TNPO1: variants seen among roughly 807,000 people sequenced by gnomAD.
TNPO1 encodes the protein transportin 1, also known as transportin-1.
A neutral mutation model predicts 119.5 loss-of-function variants in TNPO1; 8 were observed. That is an observed-to-expected ratio of 0.07 (90% CI 0.04 to 0.12). The LOEUF (loss-of-function observed/expected upper bound fraction) is 0.12. TNPO1 is among the 10% of genes least tolerant of loss of function. TNPO1 has a pLI of 1.00. For synonymous variants in TNPO1, 362 were observed against 363.0 expected (o/e 1.00, Z 0.03); for missense variants, 576 against 1,089.8 (o/e 0.53, Z 6.64).
chr5:72,874,061 T>C (rs1379628759), intron 7 of TNPO1, among the ~76,000 whole-genome samples: 1 of 152,072 alleles, frequency 6.6e-6, no homozygotes, highest in African/African-American at 2.4e-5. Flanking sequence ...AAAATAAAAA[T>C]TTCATAGGAC....
intron 20 of TNPO1, among the ~76,000 whole-genome samples, chr5:72,899,240 T>G (rs1749649884): frequency 6.6e-6 from 1 of 152,220 alleles, no homozygotes; most frequent in Non-Finnish European, 1.5e-5. Context: ...CAGTGGACTG[T>G]AAATTTCCTT....
At chr5:72,837,581 G>A (rs1168317588) in intron 1 of TNPO1, among the ~76,000 whole-genome samples, 2 of 152,168 alleles carry the variant, frequency 1.3e-5, no homozygotes, top group African/African-American at 4.8e-5. Context: ...TCATTTAAAT[G>A]ACAAGTTAAA....
intron 1 of TNPO1, 144 bp downstream of exon 1, chr5:72,816,896 C>G (rs1743718280): frequency 9.3e-7 from 1 of 1,070,846 alleles, no homozygotes. Flanking sequence ...AGCCGAGAGG[C>G]AGCGGCGGCG....
Position 72,908,999 on chromosome 5 carries a change from T to C in TNPO1, c.*326T>C, listed in dbSNP as rs566554882. ...TCACAAAACAGTACATTGTGGAATA[T>C]TATGGGGAATTGTACCAAAACAAGA... On this transcript the variant is annotated 3_prime_UTR_variant, in exon 25 of 25. Transcript: ENST00000337273. 1.4e-4 allele frequency: 55 copies of C among 393,366 alleles called. No homozygotes were observed. The highest frequency in any genetic ancestry group is 1.0e-3 in the African/African-American group (47 of 47,142). The allele number at this position is 393,366 out of a possible 1,614,324, so 24.4% of individuals were successfully genotyped here.
At chr5:72,867,345 TTAA>T (rs1483797488) in intron 6 of TNPO1, among the ~76,000 whole-genome samples, 5 of 151,832 alleles carry the variant, frequency 3.3e-5, no homozygotes, top group Admixed American at 6.6e-5. Flanking sequence ...TAATACCTTA[TTAA>T]TGTAGTTTAA....
chr5:72,861,708 T>C, intron 4 of TNPO1, 100 bp from the exon 5 acceptor site: 1 of 849,502 alleles, frequency 1.2e-6, no homozygotes, highest in Non-Finnish European at 1.9e-6. Flanking sequence ...TGGCCAAATG[T>C]TATTATTTAC....
At chr5:72,876,258 G>A (rs1212378448) in intron 8 of TNPO1, among the ~76,000 whole-genome samples, 1 of 152,166 alleles carries the variant, frequency 6.6e-6, no homozygotes, top group African/African-American at 2.4e-5. Context: ...AGGACATGAT[G>A]TATCATGTAA....
chr5:72,825,677 ACT>A (rs546201580), intron 1 of TNPO1: 2 of 152,168 alleles, frequency 1.3e-5, no homozygotes, highest in African/African-American at 4.8e-5. Context: ...ACAGGGTGAG[ACT>A]CTGTCTCAAA....
intron 24 of TNPO1, among the ~76,000 whole-genome samples, chr5:72,906,275 C>CTTTTT (rs869051297): frequency 1.8e-4 from 10 of 54,690 alleles, no homozygotes; most frequent in South Asian, 7.3e-4. Flanking sequence ...TTTTTTTTTT[C>CTTTTT]TTTTTTTTTT....
chr5:72,885,933 CAGA>C (rs1460391987), intron 11 of TNPO1, among the ~76,000 whole-genome samples: 2 of 152,080 alleles, frequency 1.3e-5, no homozygotes, highest in East Asian at 1.9e-4. Context: ...CATCTGATGA[CAGA>C]AGGACACACT....
intron 1 of TNPO1, among the ~76,000 whole-genome samples, chr5:72,821,220 A>T (rs1045091036): frequency 6.6e-6 from 1 of 152,120 alleles, no homozygotes. Context: ...GTTGCATTTT[A>T]TAGATGACTC....
At chr5:72,856,307 C>G (rs1745994670) in intron 4 of TNPO1, among the ~76,000 whole-genome samples, 1 of 152,158 alleles carries the variant, frequency 6.6e-6, no homozygotes, top group Non-Finnish European at 1.5e-5. Context: ...TCTTGACTCA[C>G]TGCAACCTCT....
chr5:72,902,606 T>A (rs1749874120), intron 22 of TNPO1, among the ~76,000 whole-genome samples: 1 of 152,094 alleles, frequency 6.6e-6, no homozygotes, highest in African/African-American at 2.4e-5. Context: ...AAAAGTATCT[T>A]CCGACCAAGA....
chr5:72,889,724 G>C, intron 13 of TNPO1, 62 bp from the exon 14 acceptor site: 2 of 1,490,870 alleles, frequency 1.3e-6, no homozygotes. Context: ...AAACATTTTA[G>C]CAATTAAGAG....
intron 6 of TNPO1, among the ~76,000 whole-genome samples, chr5:72,866,650 G>T (rs1746928190): frequency 1.3e-5 from 2 of 152,052 alleles, no homozygotes; most frequent in Admixed American, 1.3e-4. Flanking sequence ...GCTACTTGAA[G>T]GGTCAAGGTG....
intron 1 of TNPO1, among the ~76,000 whole-genome samples, chr5:72,840,805 C>T (rs896746622): frequency 1.3e-5 from 2 of 152,162 alleles, no homozygotes; most frequent in African/African-American, 4.8e-5. Context: ...TTCAAACTTT[C>T]CTTAGTACCT....
At chr5:72,831,050 A>C (rs1744433456) in intron 1 of TNPO1, among the ~76,000 whole-genome samples, 1 of 152,130 alleles carries the variant, frequency 6.6e-6, no homozygotes. Flanking sequence ...TCTTCGGCAG[A>C]AAAATGTATT....
chr5:72,825,992 A>G (rs544220297), intron 1 of TNPO1, among the ~76,000 whole-genome samples: 4 of 152,032 alleles, frequency 2.6e-5, no homozygotes, highest in African/African-American at 9.7e-5. Flanking sequence ...TCCTGACCTC[A>G]TTTACTGTTA....
chr5:72,876,310 T>G, intron 8 of TNPO1, among the ~76,000 whole-genome samples: 1 of 152,216 alleles, frequency 6.6e-6, no homozygotes, highest in East Asian at 1.9e-4. Context: ...CATATTTTGT[T>G]AGGTGAGATG....
Sources: gnomAD v4.1 joint callset for allele counts (sites outside exome capture counted in the v4.1 genomes callset) on GRCh38, gnomAD v4.1.1 for gene constraint, MANE v1.5 for transcripts, NCBI Gene and HGNC (gene_info 2026-07-23, HGNC 2026-07-21) for gene names.